PTPRT: variants seen among roughly 807,000 people sequenced by gnomAD.
PTPRT encodes the protein receptor-type tyrosine-protein phosphatase T.
In PTPRT, 56 loss-of-function variants were observed where a neutral mutation model predicts 176.8. That is an observed-to-expected ratio of 0.32 (90% CI 0.26 to 0.40). The LOEUF is 0.40. PTPRT is among the 10% of genes least tolerant of loss of function. PTPRT has a pLI of 1.00. For synonymous variants in PTPRT, 783 were observed against 739.0 expected (o/e 1.06, Z -0.96); for missense variants, 1,540 against 1,908.2 (o/e 0.81, Z 3.60).
rs75720930 is a variant in PTPRT, at chr20:42,539,841, A to G, written c.1154-67279T>C. Among the ~76,000 whole-genome samples, 139 of 152,056 alleles carry G rather than the reference A, an allele frequency of 9.1e-4. 3 individuals carry two copies. In the East Asian group the frequency reaches 0.025, roughly 28 times the overall value. On this transcript the variant is annotated intron_variant, in intron 7 of 30. Transcript: ENST00000373187. ...AAGGGTTAGAGGATGAAGCTGAGGA[A>G]ATCTCTTGAAAGGCAGAGCAAAACA... is the stretch of plus-strand genomic sequence containing the variant.
At chr20:42,405,064 A>T (rs2058947551) in intron 9 of PTPRT, among the ~76,000 whole-genome samples, 1 of 148,676 alleles carries the variant, frequency 6.7e-6, no homozygotes, top group Non-Finnish European at 1.5e-5. Context: ...ATGAATGTAC[A>T]GTCTTTATGT....
intron 8 of PTPRT, among the ~76,000 whole-genome samples, chr20:42,452,394 G>C (rs1177824938): frequency 6.6e-6 from 1 of 152,134 alleles, no homozygotes; most frequent in Non-Finnish European, 1.5e-5. Flanking sequence ...CTCCTTTTGT[G>C]AGAGAAGAGG....
intron 9 of PTPRT, among the ~76,000 whole-genome samples, chr20:42,422,310 C>T (rs1458588752): frequency 6.6e-6 from 1 of 152,060 alleles, no homozygotes; most frequent in Non-Finnish European, 1.5e-5. Context: ...ATGCATCTGA[C>T]AAAGGTCTAA....
In PTPRT at chr20:42,791,418, G is replaced by T. The variant is rs2145550503; in HGVS notation, c.263C>A (p.Ala88Asp). ...CTTCAGGGTTGGCAGGAGAAGGTGGGCCTTCTGGCCAGAGGCTCTCCCAGA... is the reference window on the plus strand; with the variant it reads ...CTTCAGGGTTGGCAGGAGAAGGTGGTCCTTCTGGCCAGAGGCTCTCCCAGA... Reference protein sequence around the residue: ...NSSGRASGQKAHLLLPTLKEN... With the variant: ...NSSGRASGQKDHLLLPTLKEN... Residue 88 changes from alanine to aspartate, a missense_variant, in exon 3 of 31, where the codon GCC becomes GAC. Physicochemically the swap from Ala to Asp is moderately radical, Grantham distance 126. Around this residue, in one of 11 missense-constraint regions of PTPRT, gnomAD observed 116 missense variants for 118.5 expected, o/e 0.98. Transcript: ENST00000373187. 6.2e-7 allele frequency: 1 copy of T among 1,613,598 alleles called. No homozygotes were observed. Among genetic ancestry groups the T allele is most frequent in the Admixed American group, 1.7e-5 (1 of 59,940 alleles).
At chr20:42,821,371 T>C (rs2145656463) in intron 2 of PTPRT, among the ~76,000 whole-genome samples, 1 of 152,244 alleles carries the variant, frequency 6.6e-6, no homozygotes, top group East Asian at 1.9e-4. Flanking sequence ...TCCCTTCTTG[T>C]TAAAAACTCT....
chr20:42,402,145 G>A (rs2058914623), intron 9 of PTPRT, among the ~76,000 whole-genome samples: 1 of 152,174 alleles, frequency 6.6e-6, no homozygotes, highest in Non-Finnish European at 1.5e-5. Context: ...AGAGCACAGA[G>A]GTGTGGGAGA....
At chr20:43,188,809 C>T (rs916366240) in intron 1 of PTPRT, among the ~76,000 whole-genome samples, 2 of 145,828 alleles carry the variant, frequency 1.4e-5, no homozygotes, top group African/African-American at 5.0e-5. Flanking sequence ...ATGTGTAAGA[C>T]CCTGGACTGT....
intron 1 of PTPRT, among the ~76,000 whole-genome samples, chr20:42,980,158 T>A (rs1450386140): frequency 1.3e-5 from 2 of 152,124 alleles, no homozygotes; most frequent in Non-Finnish European, 2.9e-5. Context: ...AATGAATACA[T>A]TTTCTGCCTT....
At chr20:42,984,285 G>A (rs962336646) in intron 1 of PTPRT, among the ~76,000 whole-genome samples, 2 of 152,144 alleles carry the variant, frequency 1.3e-5, no homozygotes, top group African/African-American at 4.8e-5. Context: ...TCATTCACAA[G>A]CCACGAGAAG....
At chr20:42,904,944 G>A (rs1357654708) in intron 1 of PTPRT, among the ~76,000 whole-genome samples, 1 of 152,088 alleles carries the variant, frequency 6.6e-6, no homozygotes, top group Non-Finnish European at 1.5e-5. Flanking sequence ...TTAAATGTTA[G>A]ACCTAAAACC....
At chr20:42,708,896 G>A (rs1285182603) in intron 6 of PTPRT, among the ~76,000 whole-genome samples, 6 of 152,152 alleles carry the variant, frequency 3.9e-5, no homozygotes, top group African/African-American at 1.2e-4. Flanking sequence ...TGGCATTAAC[G>A]AGCAGAATTA....
intron 6 of PTPRT, among the ~76,000 whole-genome samples, chr20:42,711,802 T>A (rs769114408): frequency 9.3e-5 from 14 of 151,308 alleles, no homozygotes; most frequent in Non-Finnish European, 1.5e-4. Context: ...ACCTCCTGCA[T>A]CCTATCTAGT....
intron 7 of PTPRT, among the ~76,000 whole-genome samples, chr20:42,491,150 G>A (rs1255636769): frequency 2.0e-5 from 3 of 152,078 alleles, no homozygotes; most frequent in Admixed American, 6.5e-5. Context: ...TGTTGACTTC[G>A]TTAGTTAGTA....
At chr20:42,115,759 C>T (rs2076250) in intron 21 of PTPRT, among the ~76,000 whole-genome samples, 79,428 of 151,864 alleles carry the variant, frequency 0.52, 25,123 homozygotes, top group African/African-American at 0.88. Flanking sequence ...AGCTGAGTAT[C>T]ATCAGCTGAG....
At chr20:42,523,523 G>C (rs1341657859) in intron 7 of PTPRT, among the ~76,000 whole-genome samples, 1 of 152,066 alleles carries the variant, frequency 6.6e-6, no homozygotes, top group African/African-American at 2.4e-5. Context: ...TTGTTTTGCT[G>C]TTTCAGTTTG....
intron 6 of PTPRT, among the ~76,000 whole-genome samples, chr20:42,702,532 T>C (rs2075989073): frequency 6.6e-6 from 1 of 152,106 alleles, no homozygotes; most frequent in African/African-American, 2.4e-5. Flanking sequence ...CCATGGATCC[T>C]TTTCCCCCTA....
At chr20:43,081,330 A>C (rs1167625595) in intron 1 of PTPRT, among the ~76,000 whole-genome samples, 1 of 152,182 alleles carries the variant, frequency 6.6e-6, no homozygotes, top group Admixed American at 6.5e-5. Flanking sequence ...TCCATTTATC[A>C]ATTGGCCAAC....
chr20:42,599,628 C>T (rs1173535147), intron 7 of PTPRT, among the ~76,000 whole-genome samples: 2 of 152,106 alleles, frequency 1.3e-5, no homozygotes, highest in Non-Finnish European at 2.9e-5. Flanking sequence ...TTTTGTCCTT[C>T]ATTTGCCTTC....
At chr20:42,855,650 T>C (rs778681686) in intron 2 of PTPRT, among the ~76,000 whole-genome samples, 2 of 152,076 alleles carry the variant, frequency 1.3e-5, no homozygotes, top group Admixed American at 6.6e-5. Context: ...CAGGCTTGTC[T>C]AGAACTCTTG....
Sources: allele counts gnomAD v4.1 joint callset (sites outside exome capture counted in the v4.1 genomes callset), GRCh38; gene constraint gnomAD v4.1.1; regional missense constraint gnomAD v4.1.1; transcripts MANE v1.5; gene names NCBI Gene and HGNC (gene_info 2026-07-23, HGNC 2026-07-21).